The following EBF1 variants were observed in gnomAD, a reference collection of about 807,000 sequenced individuals.
EBF1 encodes the protein EBF transcription factor 1.
Under a neutral mutation model 68.4 loss-of-function variants are expected in EBF1, and 10 were observed. The observed-to-expected ratio is 0.15, with a 90% confidence interval of 0.09 to 0.25. The LOEUF (loss-of-function observed/expected upper bound fraction) is 0.25. Among genes scored for constraint, EBF1 ranks in the 10% least tolerant of loss-of-function variants. EBF1 has a pLI of 1.00. For missense variants in EBF1, 509 were observed against 794.4 expected, an observed-to-expected ratio of 0.64 and a Z score of 4.32; for synonymous variants, 298 against 299.8, an observed-to-expected ratio of 0.99 and a Z score of 0.06.
chr5:158,998,640 C>T (rs149829194), intron 6 of EBF1, among the ~76,000 whole-genome samples: 61 of 152,298 alleles, frequency 4.0e-4, no homozygotes, highest in Non-Finnish European at 7.5e-4. Flanking sequence ...TTGTCATTTA[C>T]TTAATAACTT....
chr5:158,968,539 G>C (rs1306241046), intron 6 of EBF1, among the ~76,000 whole-genome samples: 1 of 152,092 alleles, frequency 6.6e-6, no homozygotes, highest in Non-Finnish European at 1.5e-5. Context: ...GAGACAAAGT[G>C]GAACAGGCAT....
chr5:158,940,275 C>T (rs958191696), intron 6 of EBF1, among the ~76,000 whole-genome samples: 1 of 152,214 alleles, frequency 6.6e-6, no homozygotes, highest in African/African-American at 2.4e-5. Flanking sequence ...TCTCAGTCCA[C>T]ACACCTGCTG....
At chr5:158,847,483 A>G (rs17643057) in intron 6 of EBF1, among the ~76,000 whole-genome samples, 48,613 of 152,080 alleles carry the variant, frequency 0.32, 8,735 homozygotes, top group South Asian at 0.58. Context: ...GTAGCTTAAC[A>G]CTGACTTCTG....
intron 6 of EBF1, among the ~76,000 whole-genome samples, chr5:158,898,414 A>G (rs1444371537): frequency 6.6e-6 from 1 of 152,244 alleles, no homozygotes; most frequent in African/African-American, 2.4e-5. Flanking sequence ...TCCCTGAAGC[A>G]TATGTAATAA....
intron 10 of EBF1, among the ~76,000 whole-genome samples, chr5:158,744,097 G>C (rs552828428): frequency 6.6e-6 from 1 of 152,104 alleles, no homozygotes; most frequent in African/African-American, 2.4e-5. Flanking sequence ...CTTGAATCTG[G>C]GAGGTGGAGG....
intron 8 of EBF1, among the ~76,000 whole-genome samples, chr5:158,803,950 CTG>C (rs10581149): frequency 0.24 from 32,052 of 130,828 alleles, 3,880 homozygotes; most frequent in African/African-American, 0.28. Flanking sequence ...GTGTGTGTGT[CTG>C]TGTGTGTGTG....
intron 4 of EBF1, among the ~76,000 whole-genome samples, chr5:159,091,496 C>T (rs1292752043): frequency 6.6e-6 from 1 of 152,196 alleles, no homozygotes; most frequent in Non-Finnish European, 1.5e-5. Context: ...TGACTATAAA[C>T]TTGCTGTGTC....
intron 6 of EBF1, among the ~76,000 whole-genome samples, chr5:159,069,682 C>A (rs780436830): frequency 6.6e-6 from 1 of 151,976 alleles, no homozygotes; most frequent in Non-Finnish European, 1.5e-5. Context: ...TTCAGACTAC[C>A]CTATGTGACT....
At chr5:158,920,707 T>C (rs941793427) in intron 6 of EBF1, among the ~76,000 whole-genome samples, 3 of 152,126 alleles carry the variant, frequency 2.0e-5, no homozygotes, top group African/African-American at 7.2e-5. Context: ...GCCTCCCAAG[T>C]AGCTGGGATT....
intron 6 of EBF1, among the ~76,000 whole-genome samples, chr5:158,978,197 G>T (rs1757157107): frequency 6.6e-6 from 1 of 152,246 alleles, no homozygotes; most frequent in Non-Finnish European, 1.5e-5. Flanking sequence ...GAAGTGGCGA[G>T]GGCTGGCTCA....
At chr5:158,973,520 C>G (rs6556380) in intron 6 of EBF1, among the ~76,000 whole-genome samples, 115,055 of 152,018 alleles carry the variant, frequency 0.76, 44,032 homozygotes, top group South Asian at 0.89. Context: ...CAGCAAATCA[C>G]CCAGATATTT....
At chr5:158,974,233 T>C (rs1756248930) in intron 6 of EBF1, among the ~76,000 whole-genome samples, 1 of 152,208 alleles carries the variant, frequency 6.6e-6, no homozygotes, top group Admixed American at 6.5e-5. Context: ...GAGAACCCAA[T>C]ATAATCAGAG....
chr5:158,928,784 G>T (rs1316278140), intron 6 of EBF1, among the ~76,000 whole-genome samples: 1 of 152,078 alleles, frequency 6.6e-6, no homozygotes, highest in African/African-American at 2.4e-5. Context: ...TTTGAAACAA[G>T]GTAAAACATT....
At chr5:159,080,318 C>T (rs1330817302) in intron 5 of EBF1, among the ~76,000 whole-genome samples, 3 of 152,198 alleles carry the variant, frequency 2.0e-5, no homozygotes, top group Non-Finnish European at 4.4e-5. Context: ...CTCAACCTCT[C>T]ATCACATTCA....
intron 6 of EBF1, among the ~76,000 whole-genome samples, chr5:159,020,251 C>A (rs1766405910): frequency 6.6e-6 from 1 of 152,152 alleles, no homozygotes; most frequent in South Asian, 2.1e-4. Context: ...TTCAGAGGGA[C>A]TGAGTTCCTT....
chr5:158,931,210 A>G (rs777634214), intron 6 of EBF1, among the ~76,000 whole-genome samples: 2 of 152,184 alleles, frequency 1.3e-5, no homozygotes, highest in Non-Finnish European at 2.9e-5. Flanking sequence ...CTGACCCATC[A>G]CATTTTATAA....
At chr5:158,776,528 T>A (rs1173203999) in intron 10 of EBF1, among the ~76,000 whole-genome samples, 2 of 152,184 alleles carry the variant, frequency 1.3e-5, no homozygotes, top group Non-Finnish European at 2.9e-5. Flanking sequence ...CTGTACTTAA[T>A]CTGGTCTTGT....
At chr5:159,023,440 G>A (rs1053308861) in intron 6 of EBF1, among the ~76,000 whole-genome samples, 7 of 152,118 alleles carry the variant, frequency 4.6e-5, no homozygotes, top group African/African-American at 1.7e-4. Context: ...CCCACATTAT[G>A]CTTTTTAAAT....
chr5:158,839,999 T>C, intron 7 of EBF1, 30 bp downstream of exon 7: 1 of 1,596,640 alleles, frequency 6.3e-7, no homozygotes, highest in South Asian at 1.1e-5. Flanking sequence ...ATGCCATTAT[T>C]GAGATTCAAG....
Sources: gnomAD v4.1 joint callset for allele counts (sites outside exome capture counted in the v4.1 genomes callset) on GRCh38, gnomAD v4.1.1 for gene constraint, MANE v1.5 for transcripts, NCBI Gene and HGNC (gene_info 2026-07-23, HGNC 2026-07-21) for gene names.